TTC27: variants seen among roughly 807,000 people sequenced by gnomAD.
TTC27 encodes tetratricopeptide repeat protein 27.
In TTC27, 79 loss-of-function variants were observed where a neutral mutation model predicts 115.9. The ratio of observed to expected loss-of-function variants is 0.68; its 90% CI spans 0.57 to 0.82. The LOEUF is 0.82. Ranked by LOEUF, TTC27 falls within the 40% of genes least tolerant of loss-of-function variation. The pLI is 0.00. For synonymous variants in TTC27, 401 were observed against 356.0 expected, an observed-to-expected ratio of 1.13 and a Z score of -1.42; for missense variants, 1,054 against 993.1, an observed-to-expected ratio of 1.06 and a Z score of -0.82.
At chr2:32,732,393 T>G (rs1668319647) in intron 10 of TTC27, among the ~76,000 whole-genome samples, 1 of 152,234 alleles carries the variant, frequency 6.6e-6, no homozygotes, top group Non-Finnish European at 1.5e-5. Flanking sequence ...TAATGTGTGT[T>G]TTCTCACACT....
At chr2:32,819,703 C>A (rs1441692909) in intron 19 of TTC27, among the ~76,000 whole-genome samples, 1 of 152,124 alleles carries the variant, frequency 6.6e-6, no homozygotes. Flanking sequence ...ACTCCCCTGC[C>A]CATTTGCACC....
At chr2:32,698,883 A>T (rs1197838773) in intron 9 of TTC27, among the ~76,000 whole-genome samples, 1 of 152,180 alleles carries the variant, frequency 6.6e-6, no homozygotes, top group Non-Finnish European at 1.5e-5. Context: ...GGTCACAGTA[A>T]TAAAAGTATT....
chr2:32,687,270 G>A (rs1666665423), intron 9 of TTC27, among the ~76,000 whole-genome samples: 1 of 152,140 alleles, frequency 6.6e-6, no homozygotes, highest in Admixed American at 6.5e-5. Context: ...TGTAGGTTGT[G>A]AAAAATTAAA....
At chr2:32,814,725 GT>G (rs1234072880) in intron 18 of TTC27, among the ~76,000 whole-genome samples, 1 of 152,166 alleles carries the variant, frequency 6.6e-6, no homozygotes, top group Non-Finnish European at 1.5e-5. Context: ...TGCCTGCAGT[GT>G]TCAGTACAGT....
intron 10 of TTC27, among the ~76,000 whole-genome samples, chr2:32,709,568 T>A (rs1397680712): frequency 6.6e-6 from 1 of 152,214 alleles, no homozygotes; most frequent in African/African-American, 2.4e-5. Context: ...GAAGAAAATG[T>A]CAATCCGAGG....
At chr2:32,771,670 G>A (rs530124803) in intron 13 of TTC27, among the ~76,000 whole-genome samples, 2 of 152,254 alleles carry the variant, frequency 1.3e-5, no homozygotes, top group Non-Finnish European at 2.9e-5. Flanking sequence ...GGAGAACTTA[G>A]AATTTAGTAA....
At chr2:32,641,888 C>G (rs1265372978) in intron 4 of TTC27, among the ~76,000 whole-genome samples, 1 of 151,128 alleles carries the variant, frequency 6.6e-6, no homozygotes, top group Non-Finnish European at 1.5e-5. Flanking sequence ...CAGAGTCTCG[C>G]TCTGTAGCCC....
intron 16 of TTC27, among the ~76,000 whole-genome samples, chr2:32,798,713 A>AAAAAT (rs1368512271): frequency 1.4e-5 from 2 of 142,346 alleles, no homozygotes; most frequent in Admixed American, 7.0e-5. Flanking sequence ...TCAAAAAAAA[A>AAAAAT]AATAATAATA....
intron 10 of TTC27, among the ~76,000 whole-genome samples, chr2:32,723,563 AC>A (rs1667994537): frequency 6.6e-6 from 1 of 152,042 alleles, no homozygotes; most frequent in Non-Finnish European, 1.5e-5. Flanking sequence ...GCTAGCAGGA[AC>A]CTTTAAGGTG....
At chr2:32,796,709 A>C (rs538094509) in intron 16 of TTC27, among the ~76,000 whole-genome samples, 1 of 152,196 alleles carries the variant, frequency 6.6e-6, no homozygotes, top group African/African-American at 2.4e-5. Context: ...TTTAAAAAGA[A>C]CAACAAAGCT....
At chr2:32,748,790 T>G in intron 12 of TTC27, among the ~76,000 whole-genome samples, 1 of 151,418 alleles carries the variant, frequency 6.6e-6, no homozygotes, top group East Asian at 1.9e-4. Context: ...CAGGTTTCAG[T>G]GATTCTCCTG....
intron 10 of TTC27, among the ~76,000 whole-genome samples, chr2:32,723,058 C>T (rs1667977820): frequency 6.6e-6 from 1 of 151,800 alleles, no homozygotes; most frequent in African/African-American, 2.4e-5. Context: ...TAAAAAAAGC[C>T]CTAGAAAGTT....
intron 10 of TTC27, among the ~76,000 whole-genome samples, chr2:32,725,229 C>T (rs1668068526): frequency 6.6e-6 from 1 of 152,174 alleles, no homozygotes. Context: ...GCCATCCCAA[C>T]AGTCCCCCAA....
At chr2:32,734,873 T>G in intron 11 of TTC27, among the ~76,000 whole-genome samples, 1 of 152,234 alleles carries the variant, frequency 6.6e-6, no homozygotes, top group East Asian at 1.9e-4. Context: ...TATTTTATTC[T>G]GCATTCCACA....
At chr2:32,662,780 G>A (rs1665601180) in intron 5 of TTC27, among the ~76,000 whole-genome samples, 1 of 151,850 alleles carries the variant, frequency 6.6e-6, no homozygotes, top group Non-Finnish European at 1.5e-5. Context: ...ATCTCCTTCA[G>A]TTCTGCTGTG....
At chr2:32,800,053 G>A (rs548168242) in intron 16 of TTC27, among the ~76,000 whole-genome samples, 1 of 152,314 alleles carries the variant, frequency 6.6e-6, no homozygotes, top group African/African-American at 2.4e-5. Flanking sequence ...TCATGAAATA[G>A]GGATGATAGC....
chr2:32,695,718 CAAAAAAAAAAA>C (rs66677186), intron 9 of TTC27, among the ~76,000 whole-genome samples: 86 of 29,738 alleles, frequency 2.9e-3, no homozygotes, highest in Admixed American at 4.7e-3. Context: ...GGCTCTATCT[CAAAAAAAAAAA>C]AAAAAAAAAA....
At chr2:32,656,179 T>C (rs72787539) in intron 5 of TTC27, among the ~76,000 whole-genome samples, 5,076 of 152,288 alleles carry the variant, frequency 0.033, 116 homozygotes, top group Non-Finnish European at 0.053. Context: ...ATATTTAATT[T>C]AATAAACTCT....
chr2:32,685,084 G>A (rs917268016), intron 9 of TTC27, among the ~76,000 whole-genome samples: 2 of 143,356 alleles, frequency 1.4e-5, no homozygotes, highest in Non-Finnish European at 3.0e-5. Context: ...AGGGTGGAGT[G>A]CAATGGCGCA....
Sources: gnomAD v4.1 joint callset for allele counts (sites outside exome capture counted in the v4.1 genomes callset) on GRCh38, gnomAD v4.1.1 for gene constraint, MANE v1.5 for transcripts, NCBI Gene and HGNC (gene_info 2026-07-23, HGNC 2026-07-21) for gene names.